ZNF233: variants seen among roughly 807,000 people sequenced by gnomAD.
ZNF233 encodes the protein zinc finger protein 233.
In ZNF233, 7 loss-of-function variants were observed where a neutral mutation model predicts 11.6. That is an observed-to-expected ratio of 0.60 (90% CI 0.34 to 1.13). The LOEUF (loss-of-function observed/expected upper bound fraction) is 1.13. Among genes scored for constraint, ZNF233 ranks in the 50% most tolerant of loss-of-function variants. The pLI, the probability that ZNF233 is intolerant of heterozygous loss-of-function variation, is 0.03. For synonymous variants in ZNF233, 226 were observed against 268.5 expected (o/e 0.84, Z 1.55); for missense variants, 711 against 785.5 (o/e 0.91, Z 1.13).
chr19:44,266,962 G>A lies in ZNF233; in HGVS notation c.238+1G>A, dbSNP rs775235601. 1.6e-5 allele frequency: 25 copies of A among 1,612,192 alleles called. No homozygotes were observed. In the East Asian group the frequency reaches 2.2e-4, roughly 14 times the overall value. ...GAAATCCAAGGAGATGGGTGTTCAG[G>A]TGAGAACCATGGAGCTCTGAGTCTT... On this transcript the variant is annotated splice_donor_variant, in intron 4 of 4. Coordinates refer to ENST00000683810, the MANE Select transcript of ZNF233 (RefSeq NM_001207005.2). LOFTEE classifies it high-confidence loss of function.
At position 44,261,648 on chromosome 19, in the gene ZNF233, C is replaced by CTT. The variant is rs910276344; in HGVS notation, c.-48+1730_-48+1731dup. The stretch of plus-strand genomic sequence containing the variant: ...ATTGACCCTTTTATGAATGATTTCA[C>CTT]TTTTTTTTTTTTTTTTTTTTTGAGA... On this transcript the variant is annotated intron_variant, in intron 1 of 4. Coordinates refer to ENST00000683810, the MANE Select transcript of ZNF233 (RefSeq NM_001207005.2). Among the ~76,000 whole-genome samples, 174 of 128,254 alleles carry CTT rather than the reference C, an allele frequency of 1.4e-3. 3 individuals are homozygous for CTT. The highest frequency in any genetic ancestry group is 2.8e-3 in the African/African-American group (93 of 33,430). 84.1% of individuals were successfully genotyped at this position (128,254 alleles called of 152,430 possible).
rs577155044 is a variant in ZNF233 at position 44,275,027 on chromosome 19, A to C, written c.*354A>C. ...ATAAGTAAGGTCAGAATTTAGCAAAAGTATAATGAGGGACATGACAAAATC... is the reference window on the plus strand; with the variant it reads ...ATAAGTAAGGTCAGAATTTAGCAAACGTATAATGAGGGACATGACAAAATC... On this transcript the variant is annotated 3_prime_UTR_variant, in exon 5 of 5. Coordinates refer to ENST00000683810, the MANE Select transcript of ZNF233 (RefSeq NM_001207005.2). 5.6e-5 allele frequency: 23 copies of C among 407,226 alleles called. No individual in the cohort carries two copies. The East Asian group carries it at 8.1e-4, about 14-fold the overall frequency. 25.2% of individuals were successfully genotyped at this position (407,226 alleles called of 1,614,324 possible).
chr19:44,264,368 A>G lies in ZNF233; in HGVS notation c.8A>G (p.Lys3Arg), dbSNP rs2123041899. 6.2e-7 allele frequency: 1 copy of G among 1,613,240 alleles called. No homozygotes were observed. Among genetic ancestry groups the G allele is most frequent in the African/African-American group, 1.3e-5 (1 of 74,994 alleles). The part of the protein sequence containing the change: MT[K>R]FQEMVTFKDV... ...CAGAAGGAGCAGGAGAAAATGACCA[A>G]GTTTCAGGTGAGTTGAGTTTTGATT... Residue 3 changes from lysine to arginine, a missense_variant, in exon 2 of 5, where the codon AAG becomes AGG. Transcript: ENST00000683810.
chr19:44,274,084 C>A lies in ZNF233; in HGVS notation c.1424C>A (p.Thr475Asn). Residue 475 changes from threonine to asparagine, a missense_variant, in exon 5 of 5, where the codon ACT (threonine) becomes AAT (asparagine). Thr to Asn is a moderately conservative substitution (Grantham distance 65). Transcript: ENST00000683810. ...SNLQAHQRIH[T>N]GEKPYKCDVC... ...CTTCAAGCCCATCAGAGAATCCACACTGGAGAGAAACCCTACAAATGTGAT... is the reference window on the plus strand; with the variant it reads ...CTTCAAGCCCATCAGAGAATCCACAATGGAGAGAAACCCTACAAATGTGAT... 6.2e-7 allele frequency: 1 copy of A among 1,613,592 alleles called. No homozygotes were observed. Among genetic ancestry groups the A allele is most frequent in the Admixed American group, 1.7e-5 (1 of 59,998 alleles).
chr19:44,267,052 C>T (rs1244869872), intron 4 of ZNF233, 91 bp downstream of exon 4: 1 of 932,930 alleles, frequency 1.1e-6, no homozygotes, highest in Admixed American at 2.5e-5. Flanking sequence ...GCCCAAGACC[C>T]CAGAATTCAT....
At position 44,275,046 on chromosome 19, in the gene ZNF233, C is replaced by CA; in HGVS notation, c.*377dup. On this transcript the variant is annotated 3_prime_UTR_variant, in exon 5 of 5. Transcript: ENST00000683810. ...AGCAAAAGTATAATGAGGGACATGA[C>CA]AAAATCTGTGTCCACTAGAATCTAA... is the stretch of plus-strand genomic sequence containing the variant. 2.5e-6 allele frequency: 1 copy of CA among 406,778 alleles called. No individual in the cohort carries two copies. Among genetic ancestry groups the CA allele is most frequent in the Non-Finnish European group, 4.3e-6 (1 of 230,170 alleles). The allele number at this position is 406,778 out of a possible 1,614,324, so 25.2% of individuals were successfully genotyped here.
In ZNF233 at chr19:44,266,903, G is replaced by T; in HGVS notation, c.180G>T (p.Leu60Phe). 1 of 1,613,944 alleles carries T rather than the reference G, an allele frequency of 6.2e-7. No individual in the cohort carries two copies. The change falls in exon 4 of 5, where the codon TTG becomes TTT. Residue 60 changes from leucine to phenylalanine, a missense_variant. Transcript: ENST00000683810. ...QPFKLDVILQ[L>F]GKEDKLRMME... The stretch of plus-strand genomic sequence containing the variant: ...TCAAACTAGATGTGATATTACAGTT[G>T]GGAAAAGAAGACAAGCTTCGGATGA...
chr19:44,264,188 C>T (rs1462567537), intron 1 of ZNF233, 126 bp from the exon 2 acceptor site: 2 of 673,276 alleles, frequency 3.0e-6, no homozygotes, highest in Non-Finnish European at 5.3e-6. Context: ...AATCTGCCTG[C>T]CTCGGCCTCC....
At chr19:44,265,750 T>C (rs1880577904) in intron 2 of ZNF233, among the ~76,000 whole-genome samples, 1 of 152,220 alleles carries the variant, frequency 6.6e-6, no homozygotes, top group African/African-American at 2.4e-5. Context: ...CATTGATTGA[T>C]GGGCATTTGG....
chr19:44,264,453 T>C (rs1055449896), intron 2 of ZNF233, 78 bp downstream of exon 2: 49 of 1,402,020 alleles, frequency 3.5e-5, no homozygotes, highest in Admixed American at 2.4e-4. Context: ...TTTCTCTTCC[T>C]TGGGAAAGAT....
chr19:44,270,967 T>C (rs1444142769), intron 4 of ZNF233, among the ~76,000 whole-genome samples: 2 of 152,166 alleles, frequency 1.3e-5, no homozygotes, highest in African/African-American at 2.4e-5. Context: ...CAAAAGGGAA[T>C]GGATTCCAAT....
At chr19:44,261,552 T>C (rs745786353) in intron 1 of ZNF233, among the ~76,000 whole-genome samples, 1 of 152,102 alleles carries the variant, frequency 6.6e-6, no homozygotes, top group Non-Finnish European at 1.5e-5. Context: ...GGAGATGACA[T>C]TTGAGTAAAT....
chr19:44,267,023 C>T (rs1317613155), intron 4 of ZNF233, 62 bp downstream of exon 4: 3 of 1,302,028 alleles, frequency 2.3e-6, no homozygotes, highest in East Asian at 2.3e-5. Context: ...TCCTCACCAC[C>T]TCCTCAGCCA....
intron 1 of ZNF233, among the ~76,000 whole-genome samples, chr19:44,262,505 G>A (rs1359270163): frequency 4.6e-5 from 7 of 152,152 alleles, no homozygotes; most frequent in Non-Finnish European, 7.3e-5. Context: ...GTCAAGTCTT[G>A]CAAAATCCTG....
intron 3 of ZNF233, 106 bp from the exon 4 acceptor site, chr19:44,266,760 C>A: frequency 1.3e-6 from 1 of 749,358 alleles, no homozygotes; most frequent in South Asian, 2.3e-5. Context: ...CTCATGATCA[C>A]AATTTTGAAA....
Position 44,273,502 on chromosome 19 carries a change from T to C in ZNF233, c.842T>C (p.Leu281Ser), listed in dbSNP as rs769463726. 1 of 1,614,186 alleles carries C rather than the reference T, an allele frequency of 6.2e-7. No individual in the cohort carries two copies. The highest frequency in any genetic ancestry group is 8.5e-7 in the Non-Finnish European group (1 of 1,180,042). ...SNLELHQQLH[L>S]RDKPHVNVEY... ...CTTGAACTTCACCAGCAACTACACT[T>C]AAGAGACAAGCCTCATGTAAATGTT... is the stretch of plus-strand genomic sequence containing the variant. Residue 281 changes from leucine to serine, a missense_variant, in exon 5 of 5, where the codon TTA becomes TCA. By Grantham distance (145) the Leu-to-Ser change is moderately radical (BLOSUM62 -2). Transcript: ENST00000683810.
chr19:44,265,362 T>TAC (rs1329050334), intron 2 of ZNF233, among the ~76,000 whole-genome samples: 417 of 87,616 alleles, frequency 4.8e-3, no homozygotes, highest in Non-Finnish European at 8.2e-3. Context: ...CCATCATATA[T>TAC]ATATACACAC....
chr19:44,274,364 G>C lies in ZNF233; in HGVS notation c.1704G>C (p.Val568=), dbSNP rs1975334914. The C allele has an allele frequency of 6.2e-7, 1 of 1,613,370 alleles. No individual in the cohort carries two copies. The highest frequency in any genetic ancestry group is 2.2e-5 in the East Asian group (1 of 44,786). The change falls in exon 5 of 5, where the codon GTG becomes GTC. Residue 568 remains valine, a synonymous_variant. Transcript: ENST00000683810. ...HTGENPYKCD[V]CGKGFSWSSH... ...GAGAGAATCCCTACAAATGTGATGT[G>C]TGTGGGAAAGGCTTCAGTTGGAGTT...
chr19:44,273,710 C>G lies in ZNF233; in HGVS notation c.1050C>G (p.Ser350Arg), dbSNP rs1231284371. 1 of 1,614,036 alleles carries G rather than the reference C, an allele frequency of 6.2e-7. No homozygotes were observed. The highest frequency in any genetic ancestry group is 1.7e-5 in the Admixed American group (1 of 60,000). ...NLYRCQVYAR[S>R]SNQNSCLPSH... ...ACAGATGTCAGGTATATGCCCGGAG[C>G]TCCAACCAGAACTCCTGTCTTCCCT... Residue 350 changes from serine (S) to arginine (R), a missense_variant, in exon 5 of 5, where the codon AGC becomes AGG. Transcript: ENST00000683810.
Sources: gnomAD v4.1 joint callset for allele counts (sites outside exome capture counted in the v4.1 genomes callset) on GRCh38, gnomAD v4.1.1 for gene constraint, MANE v1.5 for transcripts, NCBI Gene and HGNC (gene_info 2026-07-23, HGNC 2026-07-21) for gene names.